Variants in THSD4 observed in about 807,000 individuals in gnomAD.
THSD4 encodes the protein thrombospondin type-1 domain-containing protein 4.
Under a neutral mutation model 119.0 loss-of-function variants are expected in THSD4, and 69 were observed. The observed-to-expected ratio is 0.58, with a 90% CI of 0.48 to 0.71. THSD4 has a LOEUF of 0.71. Among genes scored for constraint, THSD4 ranks in the 30% least tolerant of loss-of-function variants. THSD4 has a pLI of 0.00. For missense variants in THSD4, 1,393 were observed against 1,391.1 expected (o/e 1.00, Z -0.02); for synonymous variants, 524 against 540.4 (o/e 0.97, Z 0.42).
intron 7 of THSD4, among the ~76,000 whole-genome samples, chr15:71,491,153 C>T (rs2047912598): frequency 6.6e-6 from 1 of 152,206 alleles, no homozygotes. Flanking sequence ...ATTGACTGTT[C>T]CACTACTAAA....
At chr15:71,633,009 C>T (rs1439797060) in intron 7 of THSD4, among the ~76,000 whole-genome samples, 3 of 152,064 alleles carry the variant, frequency 2.0e-5, no homozygotes, top group Non-Finnish European at 2.9e-5. Flanking sequence ...GCAGCTTACC[C>T]GACAGCTTGC....
Position 71,403,329 on chromosome 15 carries a change from T to C in THSD4, c.1016-8358T>C, listed in dbSNP as rs192434795. On this transcript the variant is annotated intron_variant, in intron 6 of 17. Transcript: ENST00000261862. ...CCTAAGGATTGATAATTTGACTAGA[T>C]ATAGAATTCTAATTTTGAAATGGCT... 2.2e-4 allele frequency among the ~76,000 whole-genome samples: 34 copies of C among 152,336 alleles called. No individual in the cohort carries two copies. The East Asian group carries it at 6.2e-3, about 28-fold the overall frequency.
chr15:71,609,300 A>AT (rs750490383), intron 7 of THSD4, among the ~76,000 whole-genome samples: 1 of 152,356 alleles, frequency 6.6e-6, no homozygotes, highest in South Asian at 2.1e-4. Context: ...ACAGCACTGT[A>AT]TAGTTCATCA....
Position 71,215,329 on chromosome 15 carries a change from C to T in THSD4, c.394C>T (p.Gln132Ter). 6.5e-7 allele frequency: 1 copy of T among 1,530,642 alleles called. No individual in the cohort carries two copies. Among genetic ancestry groups the T allele is most frequent in the Non-Finnish European group, 8.7e-7 (1 of 1,144,860 alleles). The allele number at this position is 1,530,642 out of a possible 1,614,324, so 94.8% of individuals were successfully genotyped here. Residue 132 changes from glutamine (Q) to a stop codon, truncating the protein, a stop_gained, in exon 4 of 18, where the codon CAG becomes TAG. Coordinates refer to ENST00000261862, the MANE Select transcript of THSD4 (RefSeq NM_024817.3). LOFTEE classifies it high-confidence loss of function. Reference protein sequence around the residue: ...PALAGTDASRQGPTVLRGSRH... With the variant: ...PALAGTDASR ...GCTGGCCGGTACGGACGCCAGCCGC[C>T]AGGGCCCCACGGTGCTGCGAGGCAG... is the stretch of plus-strand genomic sequence containing the variant.
At chr15:71,535,354 A>G (rs2048674911) in intron 7 of THSD4, among the ~76,000 whole-genome samples, 1 of 152,236 alleles carries the variant, frequency 6.6e-6, no homozygotes, top group Admixed American at 6.5e-5. Context: ...GTGCGGATAT[A>G]CCACATTTTA....
chr15:71,372,382 GCT>G (rs1236099125), intron 6 of THSD4, among the ~76,000 whole-genome samples: 2 of 152,304 alleles, frequency 1.3e-5, no homozygotes, highest in African/African-American at 2.4e-5. Flanking sequence ...CAGCTTTTCT[GCT>G]CTGTTTTTTC....
At chr15:71,332,891 C>CCTTTTTTTTTTTTTTTTTTT (rs1184457820) in intron 6 of THSD4, among the ~76,000 whole-genome samples, 2 of 38,036 alleles carry the variant, frequency 5.3e-5, no homozygotes, top group Non-Finnish European at 1.1e-4. Flanking sequence ...GATTTTTTTA[C>CCTTTTTTTTTTTTTTTTTTT]ATTTTTTTTT....
rs151069467 is a variant in THSD4, at chr15:71,443,159, T to C, written c.1152+31336T>C. ...GGGTACATGAATGTTGGTTGAACTATTCTTGCAACTTTTTCTTTAGGTGTG... is the reference window on the plus strand; with the variant it reads ...GGGTACATGAATGTTGGTTGAACTACTCTTGCAACTTTTTCTTTAGGTGTG... On this transcript the variant is annotated intron_variant, in intron 7 of 17. Transcript: ENST00000261862. Among the ~76,000 whole-genome samples, 472 of 152,294 alleles carry C rather than the reference T, an allele frequency of 3.1e-3. 3 individuals are homozygous for C. Among genetic ancestry groups the C allele is most frequent in the African/African-American group, 9.9e-3 (411 of 41,580 alleles).
intron 6 of THSD4, among the ~76,000 whole-genome samples, chr15:71,306,311 A>C (rs2045028025): frequency 2.5e-4 from 1 of 4,022 alleles, no homozygotes; most frequent in Admixed American, 6.0e-3. Flanking sequence ...TTGCCTCAAA[A>C]AAAAAAAAAA....
chr15:71,511,520 T>G (rs1032333347), intron 7 of THSD4, among the ~76,000 whole-genome samples: 1 of 152,222 alleles, frequency 6.6e-6, no homozygotes, highest in Non-Finnish European at 1.5e-5. Flanking sequence ...AAGGATCTGT[T>G]GAGTTCATTT....
chr15:71,163,598 T>C (rs2043265789), intron 3 of THSD4, among the ~76,000 whole-genome samples: 1 of 152,120 alleles, frequency 6.6e-6, no homozygotes, highest in Non-Finnish European at 1.5e-5. Flanking sequence ...TTAAGTGTCT[T>C]CTTTCCTCCT....
intron 1 of THSD4, among the ~76,000 whole-genome samples, chr15:71,135,474 T>C (rs1439102577): frequency 6.6e-6 from 1 of 151,058 alleles, no homozygotes; most frequent in African/African-American, 2.4e-5. Context: ...TTAAGGGAGA[T>C]GATCTCCTCT....
intron 8 of THSD4, among the ~76,000 whole-genome samples, chr15:71,661,071 G>T: frequency 6.6e-6 from 1 of 152,242 alleles, no homozygotes; most frequent in East Asian, 1.9e-4. Context: ...AGACCAGCCA[G>T]TGTTTGTTCT....
chr15:71,160,292 C>G (rs2043238905), intron 3 of THSD4, among the ~76,000 whole-genome samples: 1 of 151,680 alleles, frequency 6.6e-6, no homozygotes, highest in African/African-American at 2.4e-5. Context: ...TTTGTTGTAT[C>G]CTTGTCTGGT....
chr15:71,513,832 T>C (rs546478028), intron 7 of THSD4, among the ~76,000 whole-genome samples: 2 of 152,196 alleles, frequency 1.3e-5, no homozygotes, highest in South Asian at 4.1e-4. Context: ...ATGCAATAGA[T>C]ATACTCAGCA....
At chr15:71,447,448 A>G (rs1285598005) in intron 7 of THSD4, among the ~76,000 whole-genome samples, 1 of 152,058 alleles carries the variant, frequency 6.6e-6, no homozygotes, top group Non-Finnish European at 1.5e-5. Context: ...CCTCTTTGCC[A>G]GGCTAATTGT....
intron 3 of THSD4, chr15:71,185,394 C>T (rs1463715396): frequency 6.6e-6 from 1 of 151,778 alleles, no homozygotes; most frequent in Non-Finnish European, 1.5e-5. Flanking sequence ...GACCATAAAT[C>T]CATGCATTAC....
At chr15:71,293,274 A>G (rs1389189520) in intron 6 of THSD4, among the ~76,000 whole-genome samples, 1 of 152,144 alleles carries the variant, frequency 6.6e-6, no homozygotes, top group Admixed American at 6.5e-5. Context: ...AACTGTCATT[A>G]TGTAGATGGT....
At chr15:71,553,323 A>G (rs1342511194) in intron 7 of THSD4, among the ~76,000 whole-genome samples, 4 of 120,350 alleles carry the variant, frequency 3.3e-5, no homozygotes, top group Non-Finnish European at 5.0e-5. Flanking sequence ...GTCTTCTACT[A>G]GACTTTTTTT....
Sources: allele counts gnomAD v4.1 joint callset (sites outside exome capture counted in the v4.1 genomes callset), GRCh38; gene constraint gnomAD v4.1.1; transcripts MANE v1.5; gene names NCBI Gene and HGNC (gene_info 2026-07-23, HGNC 2026-07-21).